The following TRDMT1 variants were observed in gnomAD, a reference collection of about 807,000 sequenced individuals.
The protein encoded by TRDMT1 is tRNA aspartic acid methyltransferase 1.
Under a neutral mutation model 51.2 loss-of-function variants are expected in TRDMT1, and 49 were observed. The ratio of observed to expected loss-of-function variants is 0.96; its 90% CI spans 0.76 to 1.21. TRDMT1 has a LOEUF of 1.21. Among genes scored for constraint, TRDMT1 ranks in the 50% most tolerant of loss-of-function variants. TRDMT1 has a pLI of 0.00. For missense variants in TRDMT1, 534 were observed against 462.3 expected, an observed-to-expected ratio of 1.16 and a Z score of -1.42; for synonymous variants, 187 against 164.6, an observed-to-expected ratio of 1.14 and a Z score of -1.04.
intron 10 of TRDMT1, chr10:17,151,979 G>C: frequency 1.6e-6 from 2 of 1,286,696 alleles, no homozygotes; most frequent in South Asian, 2.5e-5. Flanking sequence ...CCAAGGTTCA[G>C]TATTACCAAA....
intron 1 of TRDMT1, among the ~76,000 whole-genome samples, chr10:17,181,481 A>G (rs1263692161): frequency 2.0e-5 from 3 of 152,212 alleles, no homozygotes; most frequent in Non-Finnish European, 4.4e-5. Context: ...GGCGCTCAAT[A>G]AACGTCTATT....
intron 4 of TRDMT1, 57 bp downstream of exon 4, chr10:17,162,108 CT>C: frequency 2.7e-6 from 4 of 1,456,396 alleles, no homozygotes; most frequent in Non-Finnish European, 3.8e-6. Flanking sequence ...ACGTCACATT[CT>C]TCCAGACCTG....
chr10:17,169,248 A>G, intron 2 of TRDMT1: 1 of 911,768 alleles, frequency 1.1e-6, no homozygotes, highest in Non-Finnish European at 1.4e-6. Context: ...AACGTGGAGA[A>G]CCTTATTTTA....
At chr10:17,149,221 G>T in intron 10 of TRDMT1, 81 bp from the exon 11 acceptor site, 1 of 1,069,366 alleles carries the variant, frequency 9.4e-7, no homozygotes. Flanking sequence ...TTTAGTAAGG[G>T]CACAGCGGTC....
chr10:17,187,933 C>T (rs1844161395), intron 1 of TRDMT1, among the ~76,000 whole-genome samples: 1 of 151,928 alleles, frequency 6.6e-6, no homozygotes, highest in African/African-American at 2.4e-5. Flanking sequence ...AGGATGTAGC[C>T]AAAATAGTCA....
chr10:17,167,487 G>C (rs1841371868), intron 3 of TRDMT1, among the ~76,000 whole-genome samples: 1 of 152,094 alleles, frequency 6.6e-6, no homozygotes, highest in Admixed American at 6.6e-5. Context: ...CTCTGCATAA[G>C]ACACAGACAC....
In TRDMT1 at chr10:17,143,948, G is replaced by A; in HGVS notation, c.*5092C>T. ...AAATCCGATACAACTTGAATAGCAAGATATCCAAGTTAAAAATGTCCCAGC... is the reference window on the plus strand; with the variant it reads ...AAATCCGATACAACTTGAATAGCAAAATATCCAAGTTAAAAATGTCCCAGC... On this transcript the variant is annotated 3_prime_UTR_variant, in exon 11 of 11. Transcript: ENST00000377799. 1 of 985,420 alleles carries A rather than the reference G, an allele frequency of 1.0e-6. No homozygotes were observed. The highest frequency in any genetic ancestry group is 1.2e-6 in the Non-Finnish European group (1 of 829,942). The allele number at this position is 985,420 out of a possible 1,614,324, so 61.0% of individuals were successfully genotyped here.
In TRDMT1 at chr10:17,141,960, C is replaced by T; in HGVS notation, c.*7080G>A. Among the ~76,000 whole-genome samples the T allele has an allele frequency of 6.6e-6, 1 of 152,334 alleles. No homozygotes were observed. Among genetic ancestry groups the T allele is most frequent in the East Asian group, 1.9e-4 (1 of 5,192 alleles). ...TTTTGGTTATTTTTCAGTTACATAACTGCCATTTATTTCTATTCTTAAAAA... is the reference window on the plus strand; with the variant it reads ...TTTTGGTTATTTTTCAGTTACATAATTGCCATTTATTTCTATTCTTAAAAA... On this transcript the variant is annotated 3_prime_UTR_variant, in exon 11 of 11. Transcript: ENST00000377799.
At chr10:17,193,314 GATTAAGC>G (rs141254914) in intron 1 of TRDMT1, among the ~76,000 whole-genome samples, 43,190 of 151,958 alleles carry the variant, frequency 0.28, 6,356 homozygotes, top group Middle Eastern at 0.38. Context: ...AGTGAGCCAA[GATTAAGC>G]CACTGCACTC....
Position 17,153,536 on chromosome 10 carries a change from G to T in TRDMT1, c.1046C>A (p.Ala349Glu). Residue 349 changes from alanine to glutamate, a missense_variant, in exon 10 of 11, where the codon GCA becomes GAA. Coordinates refer to ENST00000377799, the MANE Select transcript of TRDMT1 (RefSeq NM_004412.7). ...CTCTGGAGGAAATCCAAGGAGATTT[G>T]CTATTTCTTTAGGAGTGAAATATCG... ...KLRYFTPKEI[A>E]NLLGFPPEFG... The T allele has an allele frequency of 6.2e-7, 1 of 1,613,954 alleles. No individual in the cohort carries two copies. The highest frequency in any genetic ancestry group is 8.5e-7 in the Non-Finnish European group (1 of 1,179,936).
rs374189234 is a variant in TRDMT1, at chr10:17,193,294, C to A, written c.64+8277G>T. On this transcript the variant is annotated intron_variant, in intron 1 of 10. Coordinates refer to ENST00000377799, the MANE Select transcript of TRDMT1 (RefSeq NM_004412.7). ...AGGAGAATCGCTGGAACCCAGGAGG[C>A]AGAGGTTGCAGTGAGCCAAGATTAA... is the stretch of plus-strand genomic sequence containing the variant. 4.6e-5 allele frequency among the ~76,000 whole-genome samples: 7 copies of A among 152,192 alleles called. No homozygotes were observed. In the East Asian group the frequency reaches 9.7e-4, roughly 21 times the overall value.
At chr10:17,156,493 C>T (rs907001755) in intron 8 of TRDMT1, among the ~76,000 whole-genome samples, 3 of 152,098 alleles carry the variant, frequency 2.0e-5, no homozygotes, top group African/African-American at 4.8e-5. Context: ...CCTCAGCCTC[C>T]CAAAGTGTTG....
intron 3 of TRDMT1, among the ~76,000 whole-genome samples, chr10:17,163,797 C>A (rs1840766694): frequency 1.3e-5 from 2 of 152,164 alleles, no homozygotes; most frequent in Non-Finnish European, 2.9e-5. Context: ...GACACATACA[C>A]CCTCCCAAGA....
intron 1 of TRDMT1, among the ~76,000 whole-genome samples, chr10:17,175,636 T>C (rs1842532468): frequency 6.8e-6 from 1 of 146,546 alleles, no homozygotes; most frequent in Admixed American, 6.9e-5. Flanking sequence ...AGTTGATTAA[T>C]AGTTAGCTGA....
At chr10:17,176,240 T>C (rs1842603808) in intron 1 of TRDMT1, among the ~76,000 whole-genome samples, 1 of 152,216 alleles carries the variant, frequency 6.6e-6, no homozygotes, top group South Asian at 2.1e-4. Context: ...TTTTGTTAAA[T>C]ATGTTGTAAT....
intron 10 of TRDMT1, 136 bp from the exon 11 acceptor site, chr10:17,149,276 A>G: frequency 1.5e-6 from 1 of 680,530 alleles, no homozygotes; most frequent in South Asian, 1.9e-5. Context: ...TTTTATTAAC[A>G]AAAGAGAATT....
At chr10:17,160,232 G>A (rs1840122395) in intron 6 of TRDMT1, 73 bp downstream of exon 6, 35 of 1,004,708 alleles carry the variant, frequency 3.5e-5, no homozygotes, top group Middle Eastern at 3.4e-4. Flanking sequence ...TCTGCTTATC[G>A]AATCAAATTT....
At chr10:17,169,562 A>G (rs1841689221) in intron 2 of TRDMT1, 4 of 1,283,622 alleles carry the variant, frequency 3.1e-6, no homozygotes, top group Non-Finnish European at 4.1e-6. Context: ...AGACAAACAC[A>G]GGGAAGCACA....
At chr10:17,162,282 T>G (rs1588546148) in intron 3 of TRDMT1, 45 bp from the exon 4 acceptor site, 1 of 1,508,458 alleles carries the variant, frequency 6.6e-7, no homozygotes, top group Non-Finnish European at 9.0e-7. Flanking sequence ...ACACAGAAAG[T>G]TTATTAAGAA....
Sources: allele counts gnomAD v4.1 joint callset (sites outside exome capture counted in the v4.1 genomes callset), GRCh38; gene constraint gnomAD v4.1.1; transcripts MANE v1.5; gene names NCBI Gene and HGNC (gene_info 2026-07-23, HGNC 2026-07-21).